The following SCUBE2 variants were observed in gnomAD, a reference collection of about 807,000 sequenced individuals.
The protein encoded by SCUBE2 is signal peptide, CUB domain and EGF like domain containing 2, also known as signal peptide, CUB and EGF-like domain-containing protein 2.
A neutral mutation model predicts 125.9 loss-of-function variants in SCUBE2; 114 were observed. That is an observed-to-expected ratio of 0.91 (90% confidence interval 0.78 to 1.06). The LOEUF is 1.06. Among genes scored for constraint, SCUBE2 ranks in the 50% least tolerant of loss-of-function variants. SCUBE2 has a pLI of 0.00. For synonymous variants in SCUBE2, 459 were observed against 492.9 expected (o/e 0.93, Z 0.91); for missense variants, 1,255 against 1,301.8 (o/e 0.96, Z 0.55).
At chr11:9,080,332 A>G (rs1373553716) in intron 2 of SCUBE2, among the ~76,000 whole-genome samples, 2 of 152,230 alleles carry the variant, frequency 1.3e-5, no homozygotes, top group African/African-American at 2.4e-5. Context: ...CATTAACAAT[A>G]TAAAGCTTTT....
intron 21 of SCUBE2, among the ~76,000 whole-genome samples, chr11:9,023,486 G>A (rs1273764312): frequency 6.6e-6 from 1 of 152,156 alleles, no homozygotes; most frequent in African/African-American, 2.4e-5. Context: ...GTCGGTTGCT[G>A]TGCTGCGTTC....
chr11:9,061,462 A>G (rs1489409368), intron 7 of SCUBE2, among the ~76,000 whole-genome samples: 1 of 151,878 alleles, frequency 6.6e-6, no homozygotes, highest in East Asian at 1.9e-4. Context: ...GGGAGGCTGA[A>G]GCAGGAAGAT....
intron 15 of SCUBE2, 34 bp downstream of exon 15, chr11:9,047,909 G>C: frequency 6.3e-7 from 1 of 1,577,074 alleles, no homozygotes; most frequent in Non-Finnish European, 8.6e-7. Flanking sequence ...CAAGCCGTGA[G>C]AAGCCTGGCA....
chr11:9,079,271 C>G, intron 3 of SCUBE2, 113 bp downstream of exon 3: 1 of 1,171,088 alleles, frequency 8.5e-7, no homozygotes. Context: ...TCCAAGGGAG[C>G]AGAAAACACA....
chr11:9,089,867 C>CA (rs753757441), intron 1 of SCUBE2, 38 bp from the exon 2 acceptor site: 1 of 1,607,778 alleles, frequency 6.2e-7, no homozygotes, highest in South Asian at 1.1e-5. Context: ...TACAGGCTCC[C>CA]AGGCCATGTG....
In SCUBE2 at chr11:9,065,946, GCT is replaced by G. The variant is rs776028216; in HGVS notation, c.793_794del (p.Ser265GlnfsTer10). On this transcript the variant is annotated frameshift_variant, in exon 7 of 23. Coordinates refer to ENST00000649792, the MANE Select transcript of SCUBE2 (RefSeq NM_001367977.2). LOFTEE classifies it high-confidence loss of function. ...CCCCATCCACCACTGATGTGGTGTT[GCT>G]CTCTGTCACCTCCAGGACAGTGTCC... ...REDTVLEVTE[S>X]NTTSVVDGDK... 3.1e-5 allele frequency: 50 copies of G among 1,614,002 alleles called. 1 individual carries two copies. Among genetic ancestry groups the G allele is most frequent in the South Asian group, 2.2e-5 (2 of 91,090 alleles).
Position 9,046,199 on chromosome 11 carries a change from G to A in SCUBE2, c.2002+1157C>T, listed in dbSNP as rs543621319. Among the ~76,000 whole-genome samples the A allele has an allele frequency of 1.2e-4, 18 of 151,654 alleles. No homozygotes were observed. In the South Asian group the frequency reaches 2.7e-3, roughly 23 times the overall value. On this transcript the variant is annotated intron_variant, in intron 16 of 22. Coordinates refer to ENST00000649792, the MANE Select transcript of SCUBE2 (RefSeq NM_001367977.2). ...TTTTTTGTATTTTTTTAGTAGAGGC[G>A]GGGTTTCACCATGCTGGCCAGGATG...
intron 4 of SCUBE2, among the ~76,000 whole-genome samples, chr11:9,074,095 A>G (rs1341263758): frequency 6.6e-6 from 1 of 152,182 alleles, no homozygotes; most frequent in African/African-American, 2.4e-5. Flanking sequence ...CCTCCTCCCT[A>G]CCCACCCAGA....
chr11:9,024,733 T>C (rs1855580016), intron 21 of SCUBE2, among the ~76,000 whole-genome samples: 1 of 152,124 alleles, frequency 6.6e-6, no homozygotes, highest in Non-Finnish European at 1.5e-5. Flanking sequence ...TTCTCCCCCA[T>C]TTATGCTCAA....
At chr11:9,085,831 T>C (rs1003116475) in intron 2 of SCUBE2, among the ~76,000 whole-genome samples, 1 of 4,798 alleles carries the variant, frequency 2.1e-4, no homozygotes, top group South Asian at 0.25. Context: ...TCTTTAGTTT[T>C]TTTTTTTTTT....
chr11:9,033,812 A>G lies in SCUBE2; in HGVS notation c.2003-16T>C. 1 of 1,613,832 alleles carries G rather than the reference A, an allele frequency of 6.2e-7. No homozygotes were observed. The highest frequency in any genetic ancestry group is 8.5e-7 in the Non-Finnish European group (1 of 1,179,788). ...CTGCAACTGACTAGCCAAAAGGGAA[A>G]CAACCTGGTCAGTGTGGACACAAAG... On this transcript the variant is annotated splice_polypyrimidine_tract_variant and intron_variant, in intron 16 of 22. Transcript: ENST00000649792.
At chr11:9,064,345 T>C (rs58094352) in intron 7 of SCUBE2, among the ~76,000 whole-genome samples, 5,007 of 151,922 alleles carry the variant, frequency 0.033, 295 homozygotes, top group African/African-American at 0.11. Context: ...CACATGCCTG[T>C]AGTCCAGCTA....
At chr11:9,051,818 T>G (rs115573440) in intron 13 of SCUBE2, among the ~76,000 whole-genome samples, 1 of 152,242 alleles carries the variant, frequency 6.6e-6, no homozygotes, top group Non-Finnish European at 1.5e-5. Context: ...CATTAGCTAT[T>G]TGCTTGCCCC....
chr11:9,051,184 AT>A (rs1385844422), intron 13 of SCUBE2, among the ~76,000 whole-genome samples: 3 of 84,100 alleles, frequency 3.6e-5, no homozygotes, highest in African/African-American at 5.9e-5. Context: ...ACAAAAAATT[AT>A]CTATCTATCT....
intron 3 of SCUBE2, among the ~76,000 whole-genome samples, chr11:9,075,208 A>T (rs1405637296): frequency 1.0e-4 from 1 of 10,040 alleles, no homozygotes. Context: ...CGCCATCTAA[A>T]AAAAAAAAAA....
intron 2 of SCUBE2, among the ~76,000 whole-genome samples, chr11:9,087,918 T>A (rs79458899): frequency 0.089 from 13,626 of 152,288 alleles, 775 homozygotes; most frequent in Middle Eastern, 0.15. Context: ...GTATATTCTG[T>A]ATCTAGATAT....
intron 4 of SCUBE2, among the ~76,000 whole-genome samples, chr11:9,074,081 C>A (rs1861021671): frequency 6.6e-6 from 1 of 152,132 alleles, no homozygotes; most frequent in South Asian, 2.1e-4. Context: ...TGGGAAGGAT[C>A]CAGCCTCCTC....
At chr11:9,064,327 C>T (rs559932984) in intron 7 of SCUBE2, among the ~76,000 whole-genome samples, 31 of 151,988 alleles carry the variant, frequency 2.0e-4, no homozygotes, top group East Asian at 9.7e-4. Flanking sequence ...ATTAGCCAGG[C>T]GCAGTGGCAC....
rs902944993 is a variant in SCUBE2 at position 9,061,083 on chromosome 11, C to G, written c.851-559G>C. Among the ~76,000 whole-genome samples the G allele has an allele frequency of 3.3e-5, 5 of 152,292 alleles. No homozygotes were observed. In the South Asian group the frequency reaches 8.3e-4, roughly 25 times the overall value. On this transcript the variant is annotated intron_variant, in intron 7 of 22. Coordinates refer to ENST00000649792, the MANE Select transcript of SCUBE2 (RefSeq NM_001367977.2). ...TCATAACCACGTGAAAAATAAGCCACAATTGTTAAATTGCAACAATGGAGA... is the reference window on the plus strand; with the variant it reads ...TCATAACCACGTGAAAAATAAGCCAGAATTGTTAAATTGCAACAATGGAGA...
Sources: gnomAD v4.1 joint callset for allele counts (sites outside exome capture counted in the v4.1 genomes callset) on GRCh38, gnomAD v4.1.1 for gene constraint, MANE v1.5 for transcripts, NCBI Gene and HGNC (gene_info 2026-07-23, HGNC 2026-07-21) for gene names.